The following RPS6KA5 variants were observed in gnomAD, a reference collection of about 807,000 sequenced individuals.
RPS6KA5 encodes the protein ribosomal protein S6 kinase alpha-5.
Under a neutral mutation model 85.5 loss-of-function variants are expected in RPS6KA5, and 27 were observed. That is an observed-to-expected ratio of 0.32 (90% CI 0.23 to 0.44). The LOEUF (loss-of-function observed/expected upper bound fraction) is 0.44. RPS6KA5 is among the 20% of genes least tolerant of loss of function. The pLI is 1.00. For missense variants in RPS6KA5, 811 were observed against 980.9 expected (o/e 0.83, Z 2.31); for synonymous variants, 334 against 348.2 (o/e 0.96, Z 0.46).
intron 1 of RPS6KA5, chr14:91,059,968 G>A (rs1159160955): frequency 1.2e-5 from 11 of 920,270 alleles, no homozygotes; most frequent in Non-Finnish European, 1.3e-5. Context: ...GCCCCACGCG[G>A]AGGCAGGCGC....
chr14:90,982,202 G>A (rs1439386295), intron 2 of RPS6KA5, among the ~76,000 whole-genome samples: 3 of 151,914 alleles, frequency 2.0e-5, no homozygotes, highest in African/African-American at 7.3e-5. Context: ...TTCACTATGT[G>A]TGCCCTGACA....
chr14:91,054,287 A>T (rs1488222280), intron 1 of RPS6KA5, among the ~76,000 whole-genome samples: 4 of 152,124 alleles, frequency 2.6e-5, no homozygotes, highest in African/African-American at 9.7e-5. Flanking sequence ...TTAGTCAATG[A>T]TTTCTTAGAC....
chr14:90,946,859 T>C (rs2037896938), intron 4 of RPS6KA5, among the ~76,000 whole-genome samples: 1 of 152,228 alleles, frequency 6.6e-6, no homozygotes, highest in Non-Finnish European at 1.5e-5. Flanking sequence ...AACTGATTGT[T>C]ACAGTTTGCA....
intron 9 of RPS6KA5, among the ~76,000 whole-genome samples, chr14:90,902,420 G>A (rs1189483208): frequency 6.6e-6 from 1 of 152,182 alleles, no homozygotes; most frequent in East Asian, 1.9e-4. Flanking sequence ...AGGAGTCTGA[G>A]GCTGCAGTGA....
intron 5 of RPS6KA5, among the ~76,000 whole-genome samples, chr14:90,940,749 G>A (rs903453280): frequency 6.6e-6 from 1 of 152,216 alleles, no homozygotes; most frequent in African/African-American, 2.4e-5. Flanking sequence ...GCGCACAGCA[G>A]GAGGTGAGCA....
At chr14:90,917,477 C>T (rs2036181549) in intron 7 of RPS6KA5, among the ~76,000 whole-genome samples, 1 of 152,064 alleles carries the variant, frequency 6.6e-6, no homozygotes, top group Non-Finnish European at 1.5e-5. Flanking sequence ...TATGTATACA[C>T]CTGTGAAACC....
chr14:90,956,380 C>G (rs976490700), intron 3 of RPS6KA5, among the ~76,000 whole-genome samples: 4 of 152,024 alleles, frequency 2.6e-5, no homozygotes, highest in Non-Finnish European at 4.4e-5. Context: ...CACAGTTTAT[C>G]TTTTTAATCA....
intron 1 of RPS6KA5, among the ~76,000 whole-genome samples, chr14:91,056,845 G>A (rs1227330641): frequency 2.0e-5 from 2 of 97,706 alleles, no homozygotes; most frequent in African/African-American, 4.1e-5. Context: ...TCCCTTTACT[G>A]TTATACTTAA....
chr14:90,958,426 G>T (rs2038635230), intron 3 of RPS6KA5, among the ~76,000 whole-genome samples: 1 of 152,014 alleles, frequency 6.6e-6, no homozygotes, highest in African/African-American at 2.4e-5. Context: ...CCTACTTCTG[G>T]ACTACATTTT....
Position 90,872,212 on chromosome 14 carries a change from G to A in RPS6KA5, c.2271C>T (p.Ser757=). ...KKTSTSTETR[S]SSSESSHSSS... ...AAGAATGGGAACTCTCACTGGAACT[G>A]CTGCGCGTCTCGGTACTGGTGCTAG... The change falls in exon 17 of 17, where the codon AGC becomes AGT. Residue 757 remains serine, a synonymous_variant. Coordinates refer to ENST00000614987, the MANE Select transcript of RPS6KA5 (RefSeq NM_004755.4). The A allele has an allele frequency of 6.2e-7, 1 of 1,614,054 alleles. No individual in the cohort carries two copies. Among genetic ancestry groups the A allele is most frequent in the Non-Finnish European group, 8.5e-7 (1 of 1,180,002 alleles).
At chr14:90,958,821 T>C (rs2038655387) in intron 3 of RPS6KA5, among the ~76,000 whole-genome samples, 1 of 152,004 alleles carries the variant, frequency 6.6e-6, no homozygotes, top group Non-Finnish European at 1.5e-5. Context: ...TTAGATATTA[T>C]TAATGAGTTG....
At chr14:90,920,376 T>C (rs2036342812) in intron 6 of RPS6KA5, 67 bp from the exon 7 acceptor site, 1 of 1,098,100 alleles carries the variant, frequency 9.1e-7, no homozygotes, top group Non-Finnish European at 1.3e-6. Flanking sequence ...AAAGAAAAAA[T>C]GAATAAAAGC....
chr14:90,947,606 T>G, intron 3 of RPS6KA5, 56 bp from the exon 4 acceptor site: 1 of 1,033,142 alleles, frequency 9.7e-7, no homozygotes, highest in Non-Finnish European at 1.5e-6. Context: ...TGAAAAGCAG[T>G]GTTTCCTTTT....
intron 14 of RPS6KA5, among the ~76,000 whole-genome samples, chr14:90,884,340 T>C (rs1158033786): frequency 2.6e-5 from 4 of 152,324 alleles, no homozygotes; most frequent in African/African-American, 9.6e-5. Context: ...AAACAAACTT[T>C]CTGAGCGCCA....
intron 14 of RPS6KA5, among the ~76,000 whole-genome samples, chr14:90,886,894 T>C (rs2034263660): frequency 6.6e-6 from 1 of 152,222 alleles, no homozygotes; most frequent in South Asian, 2.1e-4. Context: ...TGTATTTTCC[T>C]GGAGTATTTA....
At chr14:90,876,750 G>A (rs1347986064) in intron 14 of RPS6KA5, among the ~76,000 whole-genome samples, 1 of 152,214 alleles carries the variant, frequency 6.6e-6, no homozygotes, top group Non-Finnish European at 1.5e-5. Context: ...CTGGGCTGAG[G>A]GAAGCGTGCT....
rs559080942 is a variant in RPS6KA5, at chr14:90,971,100, C to T, written c.394+7206G>A. Among the ~76,000 whole-genome samples the T allele has an allele frequency of 9.9e-5, 15 of 152,110 alleles. No individual in the cohort carries two copies. In the East Asian group the frequency reaches 1.2e-3, roughly 12 times the overall value. Reference sequence around the variant, plus strand: ...TGGGAGGCCAGGGCGAGCAGATTACCGATGCCAGGAGTTCAAGACCAGCCT... The same window carrying T: ...TGGGAGGCCAGGGCGAGCAGATTACTGATGCCAGGAGTTCAAGACCAGCCT... On this transcript the variant is annotated intron_variant, in intron 3 of 16. Coordinates refer to ENST00000614987, the MANE Select transcript of RPS6KA5 (RefSeq NM_004755.4).
At chr14:90,941,824 T>A (rs1189378314) in intron 5 of RPS6KA5, among the ~76,000 whole-genome samples, 2 of 152,248 alleles carry the variant, frequency 1.3e-5, no homozygotes, top group Non-Finnish European at 2.9e-5. Context: ...AGTGCATGTC[T>A]ATCTTATCCC....
chr14:90,857,904 C>G lies in RPS6KA5; in HGVS notation c.*14170G>C, dbSNP rs564173509. 1.6e-4 allele frequency: 25 copies of G among 152,214 alleles called. No individual in the cohort carries two copies. The highest frequency in any genetic ancestry group is 5.5e-4 in the African/African-American group (23 of 41,536). 9.4% of individuals were successfully genotyped at this position (152,214 alleles called of 1,614,324 possible). A position where few individuals can be genotyped will look rare whatever the true frequency, so the allele number is the denominator to read the frequency against. On this transcript the variant is annotated 3_prime_UTR_variant, in exon 17 of 17. Transcript: ENST00000614987. ...TAATACCTGGCCTGAAAGAAGTGCT[C>G]AAAAACTATTTAATGGACAAAGGAA... is the stretch of plus-strand genomic sequence containing the variant.
Sources: allele counts gnomAD v4.1 joint callset (sites outside exome capture counted in the v4.1 genomes callset), GRCh38; gene constraint gnomAD v4.1.1; transcripts MANE v1.5; gene names NCBI Gene and HGNC (gene_info 2026-07-23, HGNC 2026-07-21).